The following MGST2 variants were observed in gnomAD, a reference collection of about 807,000 sequenced individuals.
MGST2 encodes microsomal glutathione S-transferase 2, also known as glutathione peroxidase MGST2.
In MGST2, 9 loss-of-function variants were observed where a neutral mutation model predicts 16.6. The observed-to-expected ratio is 0.54, with a 90% CI of 0.33 to 0.95. The LOEUF (loss-of-function observed/expected upper bound fraction) is 0.95. Ranked by LOEUF, MGST2 falls within the 40% of genes least tolerant of loss-of-function variation. The probability of loss-of-function intolerance (pLI) is 0.03; values close to 1 mark genes in which losing one functional copy is unlikely to be tolerated. For missense variants in MGST2, 159 were observed against 175.1 expected (o/e 0.91, Z 0.52); for synonymous variants, 79 against 68.0 (o/e 1.16, Z -0.79).
At chr4:139,672,577 CT>C (rs34915408) in intron 1 of MGST2, among the ~76,000 whole-genome samples, 2,515 of 142,420 alleles carry the variant, frequency 0.018, 30 homozygotes, top group African/African-American at 0.042. Context: ...CATTTACACA[CT>C]TTTTTTTTTT....
intron 3 of MGST2, among the ~76,000 whole-genome samples, chr4:139,700,127 CTTTTTTT>C (rs56662682): frequency 6.0e-5 from 5 of 82,974 alleles, no homozygotes; most frequent in East Asian, 8.5e-4. Context: ...TTTGGTTTTG[CTTTTTTT>C]TTTTTTTTTT....
At chr4:139,704,560 T>G (rs1727443270), downstream of MGST2, among the ~76,000 whole-genome samples, 2 of 152,132 alleles carry the variant, frequency 1.3e-5, no homozygotes, top group South Asian at 4.1e-4. Context: ...GGAAGGCATG[T>G]GGGGGACATC....
At chr4:139,670,262 G>C (rs1247382080) in intron 1 of MGST2, among the ~76,000 whole-genome samples, 2 of 120,344 alleles carry the variant, frequency 1.7e-5, no homozygotes, top group Admixed American at 8.5e-5. Context: ...GGGGGGCGGG[G>C]GGGGGGCGGT....
chr4:139,681,725 C>T (rs888210598), intron 2 of MGST2, among the ~76,000 whole-genome samples: 1 of 151,880 alleles, frequency 6.6e-6, no homozygotes, highest in African/African-American at 2.4e-5. Context: ...TGGCCTTTGT[C>T]TTTCATTTGT....
chr4:139,667,765 G>A (rs1446844548), intron 1 of MGST2, among the ~76,000 whole-genome samples: 2 of 152,080 alleles, frequency 1.3e-5, no homozygotes, highest in Non-Finnish European at 2.9e-5. Context: ...GGCTGAGGCA[G>A]GAGAATCGCT....
At chr4:139,752,684 C>T in the MGST2 span, among the ~76,000 whole-genome samples, 1 of 152,112 alleles carries the variant, frequency 6.6e-6, no homozygotes, top group African/African-American at 2.4e-5. Flanking sequence ...ACATATTTCT[C>T]CCGAGAGAGC....
chr4:139,710,904 C>T (rs1208311960), intron 5 of MGST2, among the ~76,000 whole-genome samples: 3 of 151,864 alleles, frequency 2.0e-5, no homozygotes, highest in African/African-American at 4.8e-5. Flanking sequence ...GGATTCACAT[C>T]TATGTGATTT....
chr4:139,670,897 C>T (rs1000649134), intron 1 of MGST2, among the ~76,000 whole-genome samples: 4 of 148,646 alleles, frequency 2.7e-5, no homozygotes, highest in Non-Finnish European at 4.4e-5. Context: ...AGAGTGAGAC[C>T]CTATCTCAAA....
At chr4:139,673,178 C>A (rs945830819) in intron 1 of MGST2, among the ~76,000 whole-genome samples, 6 of 152,132 alleles carry the variant, frequency 3.9e-5, no homozygotes, top group African/African-American at 1.4e-4. Flanking sequence ...GTGGGGGAGA[C>A]AACTGGTAAG....
intron 5 of MGST2, among the ~76,000 whole-genome samples, chr4:139,710,522 A>G (rs973346895): frequency 2.6e-5 from 4 of 152,170 alleles, no homozygotes; most frequent in Non-Finnish European, 5.9e-5. Flanking sequence ...TTTTACTTCT[A>G]GTGTCAGCGT....
intron 1 of MGST2, among the ~76,000 whole-genome samples, chr4:139,670,904 CAAAAAA>C (rs111546595): frequency 1.1e-5 from 1 of 93,168 alleles, no homozygotes. Context: ...GACCCTATCT[CAAAAAA>C]AAAAAAAAAA....
At position 139,665,999 on chromosome 4, in the gene MGST2, A is replaced by G; in HGVS notation, c.-21A>G. The G allele has an allele frequency of 3.1e-6, 5 of 1,613,908 alleles. No homozygotes were observed. Among genetic ancestry groups the G allele is most frequent in the Non-Finnish European group, 4.2e-6 (5 of 1,179,868 alleles). On this transcript the variant is annotated 5_prime_UTR_variant, in exon 1 of 5. Coordinates refer to ENST00000265498, the MANE Select transcript of MGST2 (RefSeq NM_002413.5). ...CGCCATTTATCTTCCCGTGCGCTCT[A>G]CAAATAGTTCCGTGAGAAAGATGGC...
chr4:139,730,610 G>A, intron 5 of MGST2: 1 of 1,612,588 alleles, frequency 6.2e-7, no homozygotes, highest in Non-Finnish European at 8.5e-7. Flanking sequence ...CCTGAGCCTG[G>A]GGGCACGGAG....
intron 5 of MGST2, chr4:139,719,979 C>G (rs1728163780): frequency 6.2e-7 from 1 of 1,613,962 alleles, no homozygotes; most frequent in Non-Finnish European, 8.5e-7. Context: ...GCTGAGTTCA[C>G]CAGCATGCTC....
chr4:139,682,717 A>C (rs138091128), intron 2 of MGST2, among the ~76,000 whole-genome samples: 127 of 152,290 alleles, frequency 8.3e-4, no homozygotes, highest in African/African-American at 2.9e-3. Flanking sequence ...ATGCATTTAG[A>C]ATTCCAGGCA....
rs1728917541 is a variant in MGST2 at position 139,735,815 on chromosome 4, T to C, written c.*49-4397T>C. ...GACTGCCTCTCGGCGCAGGCGGCCCTAACAAAGAAGCCCACGAGGCGGTCC... is the reference window on the plus strand; with the variant it reads ...GACTGCCTCTCGGCGCAGGCGGCCCCAACAAAGAAGCCCACGAGGCGGTCC... On this transcript the variant is annotated intron_variant, in intron 5 of 5. Coordinates refer to the MGST2 transcript ENST00000616265. This position sits in a 1 kb window ranked among gnomAD's most constrained non-coding sequence, Gnocchi z 5.8. 6.6e-6 allele frequency among the ~76,000 whole-genome samples: 1 copy of C among 151,846 alleles called. No homozygotes were observed. Among genetic ancestry groups the C allele is most frequent in the African/African-American group, 2.4e-5 (1 of 41,342 alleles).
chr4:139,722,355 A>G (rs891340924), intron 5 of MGST2, among the ~76,000 whole-genome samples: 2 of 152,184 alleles, frequency 1.3e-5, no homozygotes, highest in Non-Finnish European at 2.9e-5. Flanking sequence ...ATCTAGTTTT[A>G]TGCCTTCCGT....
At chr4:139,678,054 A>G (rs1463250860) in intron 1 of MGST2, among the ~76,000 whole-genome samples, 2 of 152,152 alleles carry the variant, frequency 1.3e-5, no homozygotes, top group Non-Finnish European at 2.9e-5. Context: ...TGGCATATGA[A>G]CTTCTGTACC....
intron 5 of MGST2, among the ~76,000 whole-genome samples, chr4:139,714,511 G>A (rs1331121441): frequency 1.3e-5 from 2 of 152,204 alleles, no homozygotes; most frequent in South Asian, 2.1e-4. Context: ...TAAAGGAAAA[G>A]TATTTCTTTT....
Sources: gnomAD v4.1 joint callset for allele counts (sites outside exome capture counted in the v4.1 genomes callset) on GRCh38, gnomAD v4.1.1 for gene constraint, Gnocchi (gnomAD v3.1) non-coding constraint, MANE v1.5 for transcripts, NCBI Gene and HGNC (gene_info 2026-07-23, HGNC 2026-07-21) for gene names.